Variants in EIF4E observed in about 807,000 individuals in gnomAD.
EIF4E encodes eIF-4F 25 kDa subunit.
For missense variants in EIF4E, 113 were observed against 265.6 expected (o/e 0.43, Z 3.99); for synonymous variants, 71 against 88.5 (o/e 0.80, Z 1.11).
intron 1 of EIF4E, among the ~76,000 whole-genome samples, chr4:98,902,483 G>C (rs1321599074): frequency 6.6e-6 from 1 of 152,016 alleles, no homozygotes; most frequent in East Asian, 1.9e-4. Context: ...TAAGAGCAAA[G>C]AGCAAACGGT....
At chr4:98,888,270 A>T (rs1407079363) in intron 3 of EIF4E, among the ~76,000 whole-genome samples, 2 of 152,200 alleles carry the variant, frequency 1.3e-5, no homozygotes, top group African/African-American at 4.8e-5. Flanking sequence ...GGTGGCTTTA[A>T]GTAGATGAAA....
At chr4:98,916,544 C>A (rs1019511660) in intron 1 of EIF4E, among the ~76,000 whole-genome samples, 2 of 152,064 alleles carry the variant, frequency 1.3e-5, no homozygotes, top group African/African-American at 4.8e-5. Flanking sequence ...TGGATGAAAA[C>A]AGACTTATAC....
intron 1 of EIF4E, among the ~76,000 whole-genome samples, chr4:98,903,962 A>G (rs1193910772): frequency 1.3e-5 from 2 of 152,180 alleles, no homozygotes; most frequent in African/African-American, 4.8e-5. Flanking sequence ...GATGAAAACA[A>G]TGAGAGACTG....
Position 98,888,321 on chromosome 4 carries a change from AAAAAACAAAAAC to A in EIF4E, c.222-381_222-370del, listed in dbSNP as rs72317665. 9.6e-3 allele frequency among the ~76,000 whole-genome samples: 1,463 copies of A among 152,106 alleles called. 25 individuals carry two copies. The highest frequency in any genetic ancestry group is 0.033 in the African/African-American group (1,371 of 41,410). ...ATACACAGTTTTTTTCACAAACATA[AAAAAACAAAAAC>A]AAAAACAAAAACAAAAACCAGAAAC... On this transcript the variant is annotated intron_variant, in intron 3 of 6. Transcript: ENST00000450253.
At chr4:98,918,576 T>C (rs770940895) in intron 1 of EIF4E, among the ~76,000 whole-genome samples, 1 of 152,162 alleles carries the variant, frequency 6.6e-6, no homozygotes, top group Non-Finnish European at 1.5e-5. Flanking sequence ...ATCTACTTTA[T>C]AGATATATTA....
chr4:98,896,078 C>T (rs1724368882), intron 2 of EIF4E, among the ~76,000 whole-genome samples: 1 of 151,444 alleles, frequency 6.6e-6, no homozygotes, highest in Admixed American at 6.6e-5. Context: ...CGCCTGTAGT[C>T]CCAGCTACTC....
intron 1 of EIF4E, among the ~76,000 whole-genome samples, chr4:98,907,908 C>G (rs1447197699): frequency 6.6e-6 from 1 of 152,086 alleles, no homozygotes; most frequent in African/African-American, 2.4e-5. Flanking sequence ...CTTGAGATGA[C>G]ATTAATGTAA....
intron 5 of EIF4E, 178 bp downstream of exon 5, chr4:98,886,901 T>C (rs1723942643): frequency 5.0e-6 from 3 of 598,614 alleles, no homozygotes; most frequent in Non-Finnish European, 9.0e-6. Flanking sequence ...TGTGGTAGGA[T>C]GTTTCACTGT....
intron 1 of EIF4E, among the ~76,000 whole-genome samples, chr4:98,918,834 A>G (rs957491051): frequency 2.0e-5 from 3 of 152,260 alleles, no homozygotes; most frequent in African/African-American, 7.2e-5. Context: ...TTTACTTTTT[A>G]TAAATATACA....
At chr4:98,901,401 G>A (rs912403656) in intron 2 of EIF4E, among the ~76,000 whole-genome samples, 1 of 152,212 alleles carries the variant, frequency 6.6e-6, no homozygotes, top group East Asian at 1.9e-4. Flanking sequence ...GTTTCACCAT[G>A]TTGGCCAGGT....
chr4:98,908,542 T>C (rs141448393), intron 1 of EIF4E, among the ~76,000 whole-genome samples: 4 of 152,246 alleles, frequency 2.6e-5, no homozygotes, highest in South Asian at 2.1e-4. Context: ...TTCTAGTAAA[T>C]TGAAGTCACT....
At chr4:98,891,513 TA>T in intron 2 of EIF4E, 181 bp from the exon 3 acceptor site, 1 of 620,744 alleles carries the variant, frequency 1.6e-6, no homozygotes, top group East Asian at 2.8e-5. Context: ...TAACACTTCA[TA>T]AAACATGAGG....
intron 5 of EIF4E, 54 bp from the exon 6 acceptor site, chr4:98,885,115 C>G: frequency 6.4e-7 from 1 of 1,569,328 alleles, no homozygotes; most frequent in Admixed American, 1.8e-5. Context: ...GCTCATTACA[C>G]TGCAAATGTC....
chr4:98,920,518 C>T (rs1054891946), intron 1 of EIF4E, among the ~76,000 whole-genome samples: 18 of 152,098 alleles, frequency 1.2e-4, no homozygotes, highest in African/African-American at 3.6e-4. Context: ...TGGTCTCGAA[C>T]TCCTGATCTC....
intron 2 of EIF4E, among the ~76,000 whole-genome samples, chr4:98,892,101 C>T (rs1316307239): frequency 6.6e-6 from 1 of 152,082 alleles, no homozygotes; most frequent in Non-Finnish European, 1.5e-5. Context: ...AATCCCAGCA[C>T]TCTGGGAGGC....
intron 5 of EIF4E, 130 bp from the exon 6 acceptor site, chr4:98,885,191 A>C: frequency 2.7e-6 from 3 of 1,103,782 alleles, no homozygotes; most frequent in Admixed American, 2.4e-5. Context: ...TAAATGTGTA[A>C]ATTTTATTTG....
rs370537144 is a variant in EIF4E, at chr4:98,887,184, A to G, written c.294T>C (p.Ile98=). ...TTTTCTCATCTTCCCACATAGGCTC[A>G]ATACCATCCTACAGGGTTAGAAGAC... ...GCDYSLFKDG[I]EPMWEDEKNK... is the part of the protein sequence containing the mutation. Residue 98 remains isoleucine (I), a synonymous_variant, in exon 5 of 7, where the codon ATT becomes ATC. Coordinates refer to ENST00000450253, the MANE Select transcript of EIF4E (RefSeq NM_001968.5). The surrounding 1 kb of genome is among the most constrained non-coding windows in gnomAD (Gnocchi z 4.0). The G allele has an allele frequency of 6.2e-7, 1 of 1,613,832 alleles. No homozygotes were observed. Among genetic ancestry groups the G allele is most frequent in the African/African-American group, 1.3e-5 (1 of 74,934 alleles).
At chr4:98,901,452 G>A (rs562861856) in intron 2 of EIF4E, among the ~76,000 whole-genome samples, 1 of 152,046 alleles carries the variant, frequency 6.6e-6, no homozygotes, top group Non-Finnish European at 1.5e-5. Context: ...GCCCGCCTCC[G>A]CCTCCGCCTC....
intron 1 of EIF4E, chr4:98,928,852 C>T (rs927601221): frequency 7.8e-6 from 12 of 1,536,916 alleles, no homozygotes; most frequent in Non-Finnish European, 1.1e-5. Context: ...AGGCGCCACG[C>T]CGCCCCTCCC....
Sources: allele counts gnomAD v4.1 joint callset (sites outside exome capture counted in the v4.1 genomes callset), GRCh38; gene constraint gnomAD v4.1.1; non-coding constraint Gnocchi (gnomAD v3.1); transcripts MANE v1.5; gene names NCBI Gene and HGNC (gene_info 2026-07-23, HGNC 2026-07-21).